The following LY86 variants were observed in gnomAD, a reference collection of about 807,000 sequenced individuals.
LY86 encodes lymphocyte antigen 86, also known as MD-1, RP105-associated.
Under a neutral mutation model 17.3 loss-of-function variants are expected in LY86, and 20 were observed. The ratio of observed to expected loss-of-function variants is 1.15; its 90% CI spans 0.81 to 1.68. LY86 has a LOEUF of 1.68. LY86 is among the 40% of genes most tolerant of loss of function. The pLI, the probability that LY86 is intolerant of heterozygous loss-of-function variation, is 0.00. For synonymous variants in LY86, 74 were observed against 70.6 expected (o/e 1.05, Z -0.24); for missense variants, 200 against 191.9 (o/e 1.04, Z -0.25).
intron 1 of LY86, among the ~76,000 whole-genome samples, chr6:6,610,542 TA>T (rs3840172): frequency 0.16 from 24,142 of 151,068 alleles, 2,089 homozygotes; most frequent in South Asian, 0.22. Flanking sequence ...AACGGAAGCT[TA>T]GGGGGGGGCA....
At chr6:6,594,123 A>G (rs956052910) in intron 1 of LY86, among the ~76,000 whole-genome samples, 6 of 152,254 alleles carry the variant, frequency 3.9e-5, no homozygotes, top group Admixed American at 6.5e-5. Flanking sequence ...TCAACCAGGC[A>G]GAGGAGGACC....
intron 3 of LY86, among the ~76,000 whole-genome samples, chr6:6,638,230 T>A (rs1240616653): frequency 6.6e-6 from 1 of 152,222 alleles, no homozygotes; most frequent in Non-Finnish European, 1.5e-5. Flanking sequence ...ATGAAAAAAA[T>A]AATGTAAATA....
chr6:6,645,481 A>G (rs1762095175), intron 3 of LY86, among the ~76,000 whole-genome samples: 1 of 152,060 alleles, frequency 6.6e-6, no homozygotes, highest in Non-Finnish European at 1.5e-5. Context: ...AACATCACTT[A>G]GCTAGTGAGT....
intron 3 of LY86, among the ~76,000 whole-genome samples, chr6:6,644,005 T>C (rs1185541780): frequency 3.9e-5 from 6 of 152,246 alleles, no homozygotes; most frequent in Non-Finnish European, 7.3e-5. Flanking sequence ...ATATGCCAAT[T>C]GGCCTAGGCA....
At chr6:6,603,680 G>A (rs908547205) in intron 1 of LY86, among the ~76,000 whole-genome samples, 20 of 149,532 alleles carry the variant, frequency 1.3e-4, no homozygotes, top group African/African-American at 4.2e-4. Context: ...CAGTGAAGTT[G>A]TGTCTACCCA....
At chr6:6,636,587 A>T (rs1016797605) in intron 3 of LY86, among the ~76,000 whole-genome samples, 11 of 152,216 alleles carry the variant, frequency 7.2e-5, no homozygotes, top group Non-Finnish European at 1.5e-4. Flanking sequence ...TACAGGTAGC[A>T]GGAAGATGCC....
Position 6,626,417 on chromosome 6 carries a change from A to T in LY86, c.348A>T (p.Lys116Asn). The change falls in exon 3 of 5, where the codon AAA becomes AAT. Residue 116 changes from lysine (K) to asparagine (N), a missense_variant. Coordinates refer to ENST00000230568, the MANE Select transcript of LY86 (RefSeq NM_004271.4). ...AGTTTTCTTTCTGTGGAAGAAGGAA[A>T]GGAGGTAAGCCATCTGTCTTGCTCA... ...LPKFSFCGRR[K>N]GEQIYYAGPV... is the part of the protein sequence containing the mutation. 3.1e-6 allele frequency: 5 copies of T among 1,613,756 alleles called. No homozygotes were observed. The highest frequency in any genetic ancestry group is 4.2e-6 in the Non-Finnish European group (5 of 1,179,976).
chr6:6,634,677 C>G (rs1761937961), intron 3 of LY86, among the ~76,000 whole-genome samples: 1 of 152,216 alleles, frequency 6.6e-6, no homozygotes, highest in Admixed American at 6.5e-5. Context: ...CAGTATCATT[C>G]ATTGCAGAGC....
intron 3 of LY86, among the ~76,000 whole-genome samples, chr6:6,637,004 GTTT>G (rs34996349): frequency 1.8e-5 from 2 of 109,838 alleles, no homozygotes; most frequent in Admixed American, 2.1e-4. Flanking sequence ...AAGCATATTG[GTTT>G]TTTTTTTTTT....
intron 3 of LY86, among the ~76,000 whole-genome samples, chr6:6,641,216 A>C (rs1350870707): frequency 6.6e-6 from 1 of 152,240 alleles, no homozygotes; most frequent in Non-Finnish European, 1.5e-5. Flanking sequence ...ATAATCCTCC[A>C]ACAAACGGCC....
chr6:6,604,335 T>A (rs1220626108), intron 1 of LY86, among the ~76,000 whole-genome samples: 1 of 152,042 alleles, frequency 6.6e-6, no homozygotes, highest in Non-Finnish European at 1.5e-5. Context: ...ATGTATAGCT[T>A]CTTTAATTAA....
chr6:6,625,594 G>A (rs1460262234), intron 2 of LY86, among the ~76,000 whole-genome samples: 1 of 152,184 alleles, frequency 6.6e-6, no homozygotes, highest in South Asian at 2.1e-4. Context: ...CTTTTCCAAA[G>A]CAGTTATATC....
chr6:6,630,127 T>A (rs1761876974), intron 3 of LY86, among the ~76,000 whole-genome samples: 1 of 152,268 alleles, frequency 6.6e-6, no homozygotes, highest in African/African-American at 2.4e-5. Context: ...TCGCTTGCTT[T>A]TATGATAAAT....
At chr6:6,611,053 A>G (rs1761319135) in intron 1 of LY86, among the ~76,000 whole-genome samples, 2 of 152,192 alleles carry the variant, frequency 1.3e-5, no homozygotes, top group South Asian at 2.1e-4. Context: ...TGATTCTAGG[A>G]CCGTTAAGAT....
chr6:6,610,680 G>A (rs1761309700), intron 1 of LY86, among the ~76,000 whole-genome samples: 1 of 152,124 alleles, frequency 6.6e-6, no homozygotes, highest in African/African-American at 2.4e-5. Context: ...GGAGGGCTGG[G>A]GTTTTGTTTT....
chr6:6,609,053 C>T (rs1761267775), intron 1 of LY86, among the ~76,000 whole-genome samples: 1 of 152,146 alleles, frequency 6.6e-6, no homozygotes, highest in African/African-American at 2.4e-5. Flanking sequence ...ATGTATTTTG[C>T]TGGCAGAGAG....
At chr6:6,645,142 C>T (rs1263652425) in intron 3 of LY86, among the ~76,000 whole-genome samples, 2 of 152,106 alleles carry the variant, frequency 1.3e-5, no homozygotes, top group African/African-American at 4.8e-5. Context: ...CATACTCATC[C>T]ATTTTTTAAA....
chr6:6,632,343 T>G (rs1396925386), intron 3 of LY86, among the ~76,000 whole-genome samples: 2 of 152,232 alleles, frequency 1.3e-5, no homozygotes, highest in Admixed American at 1.3e-4. Flanking sequence ...TCTCTATTTC[T>G]CAATTACTGC....
intron 2 of LY86, among the ~76,000 whole-genome samples, chr6:6,625,813 G>C (rs1238432413): frequency 1.3e-5 from 2 of 152,154 alleles, no homozygotes; most frequent in Admixed American, 6.5e-5. Flanking sequence ...AACATAAAAG[G>C]GAGGAATGGA....
Sources: gnomAD v4.1 joint callset for allele counts (sites outside exome capture counted in the v4.1 genomes callset) on GRCh38, gnomAD v4.1.1 for gene constraint, MANE v1.5 for transcripts, NCBI Gene and HGNC (gene_info 2026-07-23, HGNC 2026-07-21) for gene names.